Variants in EPB41L5 observed in about 807,000 individuals in gnomAD.
EPB41L5 encodes the protein band 4.1-like protein 5.
EPB41L5 carries 55 observed loss-of-function variants against 106.6 expected under a neutral mutation model. That is an observed-to-expected ratio of 0.52 (90% CI 0.42 to 0.65). The LOEUF (loss-of-function observed/expected upper bound fraction) is 0.65. Among genes scored for constraint, EPB41L5 ranks in the 30% least tolerant of loss-of-function variants. The pLI, the probability that EPB41L5 is intolerant of heterozygous loss-of-function variation, is 0.00. For synonymous variants in EPB41L5, 297 were observed against 306.7 expected (o/e 0.97, Z 0.33); for missense variants, 871 against 882.1 (o/e 0.99, Z 0.16).
chr2:120,051,588 G>A (rs773613304), intron 3 of EPB41L5, among the ~76,000 whole-genome samples: 6 of 152,158 alleles, frequency 3.9e-5, no homozygotes, highest in African/African-American at 4.8e-5. Flanking sequence ...TCCAGGTGCC[G>A]CCTGTCACAG....
At chr2:120,159,501 G>T (rs928498188) in intron 20 of EPB41L5, among the ~76,000 whole-genome samples, 1 of 150,572 alleles carries the variant, frequency 6.6e-6, no homozygotes, top group Non-Finnish European at 1.5e-5. Context: ...TAGATTCAAT[G>T]CTATTTCTGT....
chr2:120,105,784 A>T (rs1684417668), intron 16 of EPB41L5: 3 of 985,376 alleles, frequency 3.0e-6, no homozygotes, highest in South Asian at 4.7e-5. Context: ...CATAGCTCAG[A>T]TGATAATTGC....
At chr2:120,146,134 A>G in intron 19 of EPB41L5, 91 bp from the exon 20 acceptor site, 1 of 777,778 alleles carries the variant, frequency 1.3e-6, no homozygotes, top group South Asian at 1.7e-5. Context: ...GCAAACTGAT[A>G]TTTCTGTTGT....
chr2:120,127,876 C>G (rs1001588517), intron 17 of EPB41L5, 25 bp downstream of exon 17: 2 of 1,521,990 alleles, frequency 1.3e-6, no homozygotes, highest in African/African-American at 1.4e-5. Context: ...CATTATACAT[C>G]AGTGATACCT....
chr2:120,068,677 T>G (rs1166619864), intron 3 of EPB41L5, among the ~76,000 whole-genome samples: 1 of 152,192 alleles, frequency 6.6e-6, no homozygotes, highest in African/African-American at 2.4e-5. Flanking sequence ...ACGGGCTAAA[T>G]GTCCCAATTA....
intron 14 of EPB41L5, among the ~76,000 whole-genome samples, chr2:120,099,655 C>T (rs552262070): frequency 6.6e-6 from 1 of 152,206 alleles, no homozygotes; most frequent in African/African-American, 2.4e-5. Flanking sequence ...TCTCGATCTC[C>T]TGGCCTCGTG....
At chr2:120,020,018 G>A (rs557110486) in intron 2 of EPB41L5, among the ~76,000 whole-genome samples, 36 of 152,246 alleles carry the variant, frequency 2.4e-4, no homozygotes, top group African/African-American at 8.2e-4. Context: ...TGGAGGAGGG[G>A]AAGAAAAGGT....
At chr2:120,129,368 A>T (rs1574724593) in intron 17 of EPB41L5, among the ~76,000 whole-genome samples, 1 of 152,032 alleles carries the variant, frequency 6.6e-6, no homozygotes. Context: ...AGAAAAAATT[A>T]AAAAAAGAAA....
intron 3 of EPB41L5, among the ~76,000 whole-genome samples, chr2:120,045,479 T>C (rs1298556141): frequency 6.6e-6 from 1 of 152,130 alleles, no homozygotes; most frequent in African/African-American, 2.4e-5. Context: ...CTGAATTCTT[T>C]AGTGTATGTG....
chr2:120,114,448 G>A (rs983381754), intron 16 of EPB41L5, among the ~76,000 whole-genome samples: 1 of 152,122 alleles, frequency 6.6e-6, no homozygotes, highest in Admixed American at 6.5e-5. Flanking sequence ...CAAACTGCAG[G>A]CTAATGTAAG....
chr2:120,056,231 G>A (rs1019085782), intron 3 of EPB41L5, among the ~76,000 whole-genome samples: 1 of 148,814 alleles, frequency 6.7e-6, no homozygotes, highest in African/African-American at 2.5e-5. Context: ...GGTATGTTAT[G>A]TTGATTTTTT....
intron 18 of EPB41L5, among the ~76,000 whole-genome samples, chr2:120,137,741 C>T (rs887196257): frequency 7.2e-5 from 11 of 152,198 alleles, no homozygotes; most frequent in Non-Finnish European, 1.6e-4. Flanking sequence ...AGCCCAGGAC[C>T]TGATGGCTTC....
In EPB41L5 at chr2:120,176,363, A is replaced by G. The variant is rs1159656428; in HGVS notation, c.*1456A>G. ...TTTGTACTGCTTAGCATAAAAGAAC[A>G]TCCAGTCTTAGATCCTTAAAACTTC... On this transcript the variant is annotated 3_prime_UTR_variant, in exon 25 of 25. Transcript: ENST00000263713. 6.6e-6 allele frequency: 1 copy of G among 152,238 alleles called. No homozygotes were observed. Among genetic ancestry groups the G allele is most frequent in the South Asian group, 2.1e-4 (1 of 4,838 alleles). 9.4% of individuals were successfully genotyped at this position (152,238 alleles called of 1,614,324 possible).
At position 120,160,675 on chromosome 2, in the gene EPB41L5, C is replaced by CT. The variant is rs1248896342; in HGVS notation, c.1794-200dup. 3.2e-5 allele frequency: 17 copies of CT among 533,148 alleles called. No homozygotes were observed. The East Asian group carries it at 5.3e-4, about 17-fold the overall frequency. 33.0% of individuals were successfully genotyped at this position (533,148 alleles called of 1,614,324 possible). The stretch of plus-strand genomic sequence containing the variant: ...CTCACCAGCATCTGTTATTGCCTAT[C>CT]TTTTTTATTAAAAAACCATTTTAAC... On this transcript the variant is annotated intron_variant, in intron 20 of 24. Coordinates refer to ENST00000263713, the MANE Select transcript of EPB41L5 (RefSeq NM_020909.4).
chr2:120,106,120 G>A, intron 16 of EPB41L5: 2 of 985,170 alleles, frequency 2.0e-6, no homozygotes, highest in Non-Finnish European at 2.4e-6. Flanking sequence ...GAGTTAATCA[G>A]TACTGTTACA....
intron 20 of EPB41L5, among the ~76,000 whole-genome samples, chr2:120,156,659 C>T (rs888790637): frequency 6.6e-6 from 1 of 152,174 alleles, no homozygotes; most frequent in African/African-American, 2.4e-5. Context: ...CGAGCAACCA[C>T]CCCTGCCTGC....
chr2:120,020,839 A>C (rs1408976391), intron 2 of EPB41L5, among the ~76,000 whole-genome samples: 2 of 151,834 alleles, frequency 1.3e-5, no homozygotes, highest in Admixed American at 6.5e-5. Context: ...AGAGGTTTTT[A>C]AAAACGCAGT....
At chr2:120,021,295 G>A (rs1029133000) in intron 2 of EPB41L5, among the ~76,000 whole-genome samples, 6 of 151,374 alleles carry the variant, frequency 4.0e-5, no homozygotes, top group Non-Finnish European at 7.4e-5. Flanking sequence ...AGCTGAGATC[G>A]CGCCACTGCA....
rs755241969 is a variant in EPB41L5 at position 120,142,113 on chromosome 2, T to TTA, written c.1600-890_1600-889insTA. ...AACTTAGTCTCTGTGCTTTCTTTTT[T>TTA]AAAAAAAAAAAAAAAAAAAAACAAG... On this transcript the variant is annotated intron_variant, in intron 18 of 24. Coordinates refer to ENST00000263713, the MANE Select transcript of EPB41L5 (RefSeq NM_020909.4). 1.7e-3 allele frequency among the ~76,000 whole-genome samples: 237 copies of TTA among 143,184 alleles called. 2 individuals carry two copies. Among genetic ancestry groups the TTA allele is most frequent in the African/African-American group, 5.8e-3 (221 of 38,414 alleles). 93.9% of individuals were successfully genotyped at this position (143,184 alleles called of 152,430 possible).
Sources: allele counts gnomAD v4.1 joint callset (sites outside exome capture counted in the v4.1 genomes callset), GRCh38; gene constraint gnomAD v4.1.1; transcripts MANE v1.5; gene names NCBI Gene and HGNC (gene_info 2026-07-23, HGNC 2026-07-21).